Variants in AKAP11 observed in about 807,000 individuals in gnomAD.
AKAP11 encodes the protein A-kinase anchoring protein 11.
A neutral mutation model predicts 146.1 loss-of-function variants in AKAP11; 36 were observed. The observed-to-expected ratio is 0.25, with a 90% CI of 0.19 to 0.33. The LOEUF (loss-of-function observed/expected upper bound fraction) is 0.33. AKAP11 is among the 10% of genes least tolerant of loss of function. AKAP11 has a pLI of 1.00. For missense variants in AKAP11, 2,201 were observed against 2,197.0 expected, an observed-to-expected ratio of 1.00 and a Z score of -0.04; for synonymous variants, 780 against 786.5, an observed-to-expected ratio of 0.99 and a Z score of 0.14.
At chr13:42,310,981 A>G (rs1229387011) in intron 9 of AKAP11, among the ~76,000 whole-genome samples, 1 of 152,034 alleles carries the variant, frequency 6.6e-6, no homozygotes, top group East Asian at 1.9e-4. Flanking sequence ...AGTGTTTAGG[A>G]GGATTATATA....
chr13:42,281,863 A>C (rs1021175045), intron 1 of AKAP11, among the ~76,000 whole-genome samples: 1 of 152,138 alleles, frequency 6.6e-6, no homozygotes, highest in Non-Finnish European at 1.5e-5. Flanking sequence ...TAAAAGTCCC[A>C]CTTGCATGGG....
At chr13:42,304,772 A>G (rs1196588996) in intron 8 of AKAP11, among the ~76,000 whole-genome samples, 3 of 145,436 alleles carry the variant, frequency 2.1e-5, no homozygotes, top group African/African-American at 7.7e-5. Context: ...TTTTTTTGAG[A>G]TGGAGTCTCG....
chr13:42,319,461 C>G lies in AKAP11; in HGVS notation c.*233C>G. 1 of 463,752 alleles carries G rather than the reference C, an allele frequency of 2.2e-6. No homozygotes were observed. The highest frequency in any genetic ancestry group is 3.6e-6 in the Non-Finnish European group (1 of 274,380). The allele number at this position is 463,752 out of a possible 1,614,324, so 28.7% of individuals were successfully genotyped here. ...TCTTCTATACACATGTGTAGTGTGT[C>G]AAGACCCTAAGAACATGTATTTGAA... On this transcript the variant is annotated 3_prime_UTR_variant, in exon 13 of 13. Transcript: ENST00000025301.
rs1180936574 is a variant in AKAP11, at chr13:42,299,390, A to G, written c.644A>G (p.Gln215Arg). ...ATGAACATTACTGTGCTAAGGAGCCAGTGTGATGCTGCTTCCCAGACGGTT... is the reference window on the plus strand; with the variant it reads ...ATGAACATTACTGTGCTAAGGAGCCGGTGTGATGCTGCTTCCCAGACGGTT... ...DGMNITVLRS[Q>R]CDAASQTVTG... Residue 215 changes from glutamine (Q) to arginine (R), a missense_variant, in exon 8 of 13, where the codon CAG becomes CGG. Physicochemically the swap from Gln to Arg is conservative, Grantham distance 43. Around this residue, in one of 3 missense-constraint regions of AKAP11, gnomAD observed 331 missense variants for 347.4 expected, o/e 0.95. Coordinates refer to ENST00000025301, the MANE Select transcript of AKAP11 (RefSeq NM_016248.4). 14 of 1,613,466 alleles carry G rather than the reference A, an allele frequency of 8.7e-6. No individual in the cohort carries two copies. Among genetic ancestry groups the G allele is most frequent in the Non-Finnish European group, 1.2e-5 (14 of 1,179,734 alleles).
chr13:42,293,710 G>T (rs1269498948), intron 4 of AKAP11, among the ~76,000 whole-genome samples: 1 of 152,090 alleles, frequency 6.6e-6, no homozygotes. Context: ...ACATTCCTTG[G>T]TGAGGCCTTT....
In AKAP11 at chr13:42,321,993, G is replaced by C. The variant is rs1961107681; in HGVS notation, c.*2765G>C. On this transcript the variant is annotated 3_prime_UTR_variant, in exon 13 of 13. Transcript: ENST00000025301. ...GTTCTTTCATGTTTTCCTAAACCAA[G>C]TTAAAATTACATGTATATTTTGGTG... is the stretch of plus-strand genomic sequence containing the variant. 1 of 152,204 alleles carries C rather than the reference G, an allele frequency of 6.6e-6. No individual in the cohort carries two copies. The allele number at this position is 152,204 out of a possible 1,614,324, so 9.4% of individuals were successfully genotyped here.
intron 4 of AKAP11, among the ~76,000 whole-genome samples, chr13:42,293,746 C>A (rs1468490355): frequency 2.0e-5 from 3 of 152,148 alleles, no homozygotes; most frequent in African/African-American, 7.2e-5. Context: ...AGATAAAACT[C>A]CCCCGGCATC....
Position 42,320,978 on chromosome 13 carries a change from T to TC in AKAP11, c.*1751dup, listed in dbSNP as rs1167365273. 3.3e-5 allele frequency: 5 copies of TC among 152,352 alleles called. No homozygotes were observed. Among genetic ancestry groups the TC allele is most frequent in the Admixed American group, 6.5e-5 (1 of 15,282 alleles). The allele number at this position is 152,352 out of a possible 1,614,324, so 9.4% of individuals were successfully genotyped here. ...TAATATAAAGTTTCCTAAAGTTTCT[T>TC]CAAGTATTTTTTAAGGTGGAGAAAT... On this transcript the variant is annotated 3_prime_UTR_variant, in exon 13 of 13. Transcript: ENST00000025301.
chr13:42,288,391 C>T (rs1337702437), intron 3 of AKAP11, among the ~76,000 whole-genome samples: 1 of 152,138 alleles, frequency 6.6e-6, no homozygotes, highest in East Asian at 1.9e-4. Context: ...AATAATTTGT[C>T]TTGTTTGCTT....
At position 42,300,606 on chromosome 13, in the gene AKAP11, G is replaced by A; in HGVS notation, c.1860G>A (p.Val620=). The stretch of plus-strand genomic sequence containing the variant: ...TTAGTGGCCTGGCTAACTTTTTGGT[G>A]AGTGAAGCTTTATCAAATGCCTTAA... ...RAISGLANFL[V]SEALSNALKD... The change falls in exon 8 of 13, where the codon GTG becomes GTA. Residue 620 remains valine, a synonymous_variant. Transcript: ENST00000025301. The A allele has an allele frequency of 6.2e-7, 1 of 1,614,032 alleles. No individual in the cohort carries two copies. The highest frequency in any genetic ancestry group is 8.5e-7 in the Non-Finnish European group (1 of 1,179,932).
rs769416192 is a variant in AKAP11, at chr13:42,301,025, A to G, written c.2279A>G (p.Tyr760Cys). 2 of 1,614,166 alleles carry G rather than the reference A, an allele frequency of 1.2e-6. No homozygotes were observed. The highest frequency in any genetic ancestry group is 1.7e-6 in the Non-Finnish European group (2 of 1,179,974). The part of the protein sequence containing the change: ...AIMVTKPVQE[Y>C]KKEYTVQQAL... The stretch of plus-strand genomic sequence containing the variant: ...ATGGTGACAAAACCAGTGCAGGAAT[A>G]TAAAAAGGAATACACAGTGCAGCAG... Residue 760 changes from tyrosine to cysteine, a missense_variant, in exon 8 of 13, where the codon TAT becomes TGT. By Grantham distance (194) the Tyr-to-Cys change is radical. Around this residue, in one of 3 missense-constraint regions of AKAP11, gnomAD observed 1,867 missense variants for 1,833.5 expected, o/e 1.02. Transcript: ENST00000025301.
At position 42,300,187 on chromosome 13, in the gene AKAP11, C is replaced by T; in HGVS notation, c.1441C>T (p.His481Tyr). ...TGGTGGAGATAGGATTCATGAAAATCATGATTCTGTTTATTACACCTATGA... is the reference window on the plus strand; with the variant it reads ...TGGTGGAGATAGGATTCATGAAAATTATGATTCTGTTTATTACACCTATGA... The part of the protein sequence containing the change: ...DIGGDRIHEN[H>Y]DSVYYTYEDY... Residue 481 changes from histidine (H) to tyrosine (Y), a missense_variant, in exon 8 of 13, where the codon CAT (histidine) becomes TAT (tyrosine). His to Tyr is a moderately conservative substitution (Grantham distance 83, BLOSUM62 2). Around this residue, in one of 3 missense-constraint regions of AKAP11, gnomAD observed 1,867 missense variants for 1,833.5 expected, o/e 1.02. Coordinates refer to ENST00000025301, the MANE Select transcript of AKAP11 (RefSeq NM_016248.4). The T allele has an allele frequency of 6.2e-7, 1 of 1,613,872 alleles. No individual in the cohort carries two copies. Among genetic ancestry groups the T allele is most frequent in the South Asian group, 1.1e-5 (1 of 91,036 alleles).
intron 1 of AKAP11, among the ~76,000 whole-genome samples, chr13:42,276,392 G>A (rs1022173982): frequency 6.6e-6 from 1 of 152,108 alleles, no homozygotes; most frequent in African/African-American, 2.4e-5. Context: ...AACCACAGGT[G>A]TGTGCTACCA....
upstream of AKAP11, among the ~76,000 whole-genome samples, chr13:42,271,633 G>A (rs1026758556): frequency 2.6e-5 from 4 of 152,196 alleles, no homozygotes; most frequent in Non-Finnish European, 2.9e-5. Flanking sequence ...TAAGACTAAG[G>A]GGTCGAGGGA....
In AKAP11 at chr13:42,299,455, A is replaced by G. The variant is rs1311245996; in HGVS notation, c.709A>G (p.Ile237Val). ...HLETHDLKIL[I>V]SSGQQKSLAK... Reference sequence around the variant, plus strand: ...AGAAACCCATGATTTAAAGATTCTCATTAGCTCTGGACAGCAGAAGTCATT... The same window carrying G: ...AGAAACCCATGATTTAAAGATTCTCGTTAGCTCTGGACAGCAGAAGTCATT... The change falls in exon 8 of 13, where the codon ATT becomes GTT. Residue 237 changes from isoleucine to valine, a missense_variant. Around this residue, in one of 3 missense-constraint regions of AKAP11, gnomAD observed 331 missense variants for 347.4 expected, o/e 0.95. Coordinates refer to ENST00000025301, the MANE Select transcript of AKAP11 (RefSeq NM_016248.4). 3 of 1,613,850 alleles carry G rather than the reference A, an allele frequency of 1.9e-6. No homozygotes were observed. The highest frequency in any genetic ancestry group is 3.3e-5 in the Admixed American group (2 of 59,984).
rs776539111 is a variant in AKAP11, at chr13:42,301,413, G to A, written c.2667G>A (p.Glu889=). The part of the protein sequence containing the change: ...VVHTIVNETL[E]SMTSLEVTKM... Reference sequence around the variant, plus strand: ...ATACGATAGTAAATGAAACTTTAGAGTCAATGACATCATTGGAAGTTACAA... The same window carrying A: ...ATACGATAGTAAATGAAACTTTAGAATCAATGACATCATTGGAAGTTACAA... The change falls in exon 8 of 13, where the codon GAG becomes GAA. Residue 889 remains glutamate (E), a synonymous_variant. Transcript: ENST00000025301. The A allele has an allele frequency of 7.4e-6, 12 of 1,613,576 alleles. No individual in the cohort carries two copies. In the East Asian group the frequency reaches 2.7e-4, roughly 36 times the overall value.
intron 2 of AKAP11, 131 bp downstream of exon 2, chr13:42,286,166 G>T (rs1959164557): frequency 2.5e-6 from 1 of 402,292 alleles, no homozygotes; most frequent in Non-Finnish European, 4.5e-6. Flanking sequence ...AAATTGGGGG[G>T]GGTGCTCAGA....
Position 42,272,570 on chromosome 13 carries a change from G to C in AKAP11, c.-100+342G>C, listed in dbSNP as rs117502586. ...GTTTCCATCCCCGGGGTGGTCTTCA[G>C]AGACGGCCCCCCGGGTGCGTGGTGC... is the stretch of plus-strand genomic sequence containing the variant. On this transcript the variant is annotated intron_variant, in intron 1 of 12. Transcript: ENST00000025301. Among the ~76,000 whole-genome samples, 654 of 152,306 alleles carry C rather than the reference G, an allele frequency of 4.3e-3. 14 individuals carry two copies. In the East Asian group the frequency reaches 0.047, roughly 11 times the overall value.
At chr13:42,295,205 G>C (rs1959434431) in intron 4 of AKAP11, among the ~76,000 whole-genome samples, 1 of 152,158 alleles carries the variant, frequency 6.6e-6, no homozygotes. Context: ...TCCAGATTGA[G>C]GGCGCAACTG....
Sources: allele counts gnomAD v4.1 joint callset (sites outside exome capture counted in the v4.1 genomes callset), GRCh38; gene constraint gnomAD v4.1.1; regional missense constraint gnomAD v4.1.1; transcripts MANE v1.5; gene names NCBI Gene and HGNC (gene_info 2026-07-23, HGNC 2026-07-21).